Variants in TENM2 observed in about 807,000 individuals in gnomAD.
TENM2 encodes the protein teneurin transmembrane protein 2.
Under a neutral mutation model 245.2 loss-of-function variants are expected in TENM2, and 52 were observed. That is an observed-to-expected ratio of 0.21 (90% CI 0.17 to 0.27). The LOEUF (loss-of-function observed/expected upper bound fraction) is 0.27, where lower values mean the gene tolerates loss of function less well. Ranked by LOEUF, TENM2 falls within the 10% of genes least tolerant of loss-of-function variation. TENM2 has a pLI of 1.00. For synonymous variants in TENM2, 1,363 were observed against 1,438.9 expected, an observed-to-expected ratio of 0.95 and a Z score of 1.19; for missense variants, 3,046 against 3,666.8, an observed-to-expected ratio of 0.83 and a Z score of 4.37.
intron 2 of TENM2, among the ~76,000 whole-genome samples, chr5:167,830,100 T>G (rs765595473): frequency 2.6e-5 from 4 of 152,234 alleles, no homozygotes; most frequent in Non-Finnish European, 5.9e-5. Flanking sequence ...TTCTTGGCAT[T>G]TTATTGAGCC....
chr5:167,769,906 C>T (rs1425945583), intron 2 of TENM2, among the ~76,000 whole-genome samples: 1 of 151,398 alleles, frequency 6.6e-6, no homozygotes, highest in East Asian at 1.9e-4. Context: ...CTGAAGTTTG[C>T]TAGTTTTTTT....
At chr5:167,892,903 C>T (rs2151470782) in intron 3 of TENM2, among the ~76,000 whole-genome samples, 1 of 152,236 alleles carries the variant, frequency 6.6e-6, no homozygotes, top group Admixed American at 6.5e-5. Flanking sequence ...GAGAAGTGGA[C>T]ATGCAAGTTA....
intron 5 of TENM2, among the ~76,000 whole-genome samples, chr5:168,013,570 C>G (rs1785427987): frequency 6.6e-6 from 1 of 152,096 alleles, no homozygotes; most frequent in Non-Finnish European, 1.5e-5. Context: ...TGCCACTGCA[C>G]TCCTGCCTGG....
intron 2 of TENM2, among the ~76,000 whole-genome samples, chr5:167,417,792 T>A (rs1165521489): frequency 6.6e-6 from 1 of 152,156 alleles, no homozygotes; most frequent in Non-Finnish European, 1.5e-5. Flanking sequence ...TCAACTACCG[T>A]GCAGCACTGG....
chr5:167,749,562 C>T (rs1343432307), intron 2 of TENM2, among the ~76,000 whole-genome samples: 8 of 151,750 alleles, frequency 5.3e-5, no homozygotes, highest in African/African-American at 9.7e-5. Flanking sequence ...CGCTTGAAAC[C>T]GGAAGGCAGA....
the TENM2 span, among the ~76,000 whole-genome samples, chr5:167,078,301 T>C: frequency 6.6e-6 from 1 of 152,008 alleles, no homozygotes; most frequent in Non-Finnish European, 1.5e-5. Flanking sequence ...CTGACCAACA[T>C]GGAGAAACCC....
chr5:167,264,497 G>C, the TENM2 span, among the ~76,000 whole-genome samples: 3 of 152,128 alleles, frequency 2.0e-5, no homozygotes, highest in African/African-American at 7.2e-5. Flanking sequence ...CGTGTGTTTT[G>C]TTCCTAAATT....
chr5:167,920,220 G>A (rs567364908), intron 3 of TENM2, among the ~76,000 whole-genome samples: 9 of 151,834 alleles, frequency 5.9e-5, no homozygotes, highest in East Asian at 1.9e-4. Context: ...GGCCAGGCGC[G>A]GTGGCTCACA....
chr5:167,847,749 G>A (rs1770180698), intron 2 of TENM2, among the ~76,000 whole-genome samples: 2 of 152,200 alleles, frequency 1.3e-5, no homozygotes, highest in Admixed American at 6.5e-5. Context: ...AAGAAGTACA[G>A]CTTCTTTTCA....
chr5:167,663,515 G>A (rs567303193), intron 2 of TENM2, among the ~76,000 whole-genome samples: 2 of 152,120 alleles, frequency 1.3e-5, no homozygotes, highest in African/African-American at 4.8e-5. Context: ...TGTCTTCAAT[G>A]TTATGCAGCT....
chr5:167,962,135 A>G (rs1355818078), intron 4 of TENM2, among the ~76,000 whole-genome samples: 2 of 152,212 alleles, frequency 1.3e-5, no homozygotes, highest in African/African-American at 4.8e-5. Flanking sequence ...AAGCTCTTCC[A>G]GAATTTACTT....
chr5:167,903,398 G>T (rs1465378964), intron 3 of TENM2, among the ~76,000 whole-genome samples: 1 of 152,112 alleles, frequency 6.6e-6, no homozygotes, highest in African/African-American at 2.4e-5. Context: ...GAGACAGGGT[G>T]CTGAGCTAGA....
chr5:167,755,581 C>A (rs1333779719), intron 2 of TENM2, among the ~76,000 whole-genome samples: 1 of 152,150 alleles, frequency 6.6e-6, no homozygotes, highest in African/African-American at 2.4e-5. Flanking sequence ...CTGTCTGCAT[C>A]TGTCACATTT....
chr5:167,943,775 A>G (rs960744945), intron 3 of TENM2, among the ~76,000 whole-genome samples: 2 of 152,196 alleles, frequency 1.3e-5, no homozygotes, highest in Admixed American at 6.5e-5. Flanking sequence ...CAGGGAGTGC[A>G]TGGGTCTTAA....
intron 4 of TENM2, among the ~76,000 whole-genome samples, chr5:167,980,699 G>T (rs1348821129): frequency 2.6e-5 from 4 of 152,208 alleles, no homozygotes; most frequent in Non-Finnish European, 4.4e-5. Context: ...CCTGTGGGGA[G>T]AAGGGGTGTA....
chr5:167,503,862 C>G (rs1173892311), intron 2 of TENM2, among the ~76,000 whole-genome samples: 1 of 152,082 alleles, frequency 6.6e-6, no homozygotes, highest in Admixed American at 6.5e-5. Context: ...CCACTGTACT[C>G]CAGCCTGGGC....
At chr5:167,052,947 C>T in the TENM2 span, among the ~76,000 whole-genome samples, 1 of 152,134 alleles carries the variant, frequency 6.6e-6, no homozygotes, top group Admixed American at 6.5e-5. Context: ...CCAGTGTTGA[C>T]TAAATCTAGT....
chr5:168,019,328 C>T (rs1404716092), intron 5 of TENM2, among the ~76,000 whole-genome samples: 1 of 152,282 alleles, frequency 6.6e-6, no homozygotes, highest in African/African-American at 2.4e-5. Context: ...GGGCATGGAG[C>T]CGTCTGGCAG....
In TENM2 at chr5:168,061,975, A is replaced by T. The variant is rs891642990; in HGVS notation, c.1310-85A>T. 8.8e-6 allele frequency: 11 copies of T among 1,245,862 alleles called. No homozygotes were observed. In the African/African-American group the frequency reaches 1.4e-4, roughly 16 times the overall value. 77.2% of individuals were successfully genotyped at this position (1,245,862 alleles called of 1,614,324 possible). ...TTAATATTAAAACAACAACAAAAAA[A>T]AACCTGGCATGTAATTAAACAAATA... On this transcript the variant is annotated intron_variant, in intron 6 of 28. Coordinates refer to ENST00000518659, the Ensembl canonical transcript of TENM2.
Sources: allele counts gnomAD v4.1 joint callset (sites outside exome capture counted in the v4.1 genomes callset), GRCh38; gene constraint gnomAD v4.1.1; transcripts MANE v1.5; gene names NCBI Gene and HGNC (gene_info 2026-07-23, HGNC 2026-07-21).